Variants in TIPRL observed in about 807,000 individuals in gnomAD.
TIPRL encodes the protein TOR signaling pathway regulator, also known as TIP41-like protein.
TIPRL carries 10 observed loss-of-function variants against 32.3 expected under a neutral mutation model. The observed-to-expected ratio is 0.31, with a 90% CI of 0.19 to 0.52. The LOEUF is 0.52. TIPRL is among the 20% of genes least tolerant of loss of function. The probability of loss-of-function intolerance (pLI) is 0.96; values close to 1 mark genes in which losing one functional copy is unlikely to be tolerated. For synonymous variants in TIPRL, 100 were observed against 114.0 expected, an observed-to-expected ratio of 0.88 and a Z score of 0.78; for missense variants, 250 against 328.1, an observed-to-expected ratio of 0.76 and a Z score of 1.84.
In TIPRL at chr1:168,183,938, A is replaced by G; in HGVS notation, c.141A>G (p.Glu47=). Residue 47 remains glutamate, a synonymous_variant, in exon 2 of 7, where the codon GAA becomes GAG. Coordinates refer to ENST00000367833, the MANE Select transcript of TIPRL (RefSeq NM_152902.5). ...AATTACATATGCCATCTCTCCCTGA[A>G]ATGATGTTTGGAGACAACGTTTTAA... ...ADELHMPSLP[E]MMFGDNVLRI... 1 of 1,614,034 alleles carries G rather than the reference A, an allele frequency of 6.2e-7. No homozygotes were observed. Among genetic ancestry groups the G allele is most frequent in the Non-Finnish European group, 8.5e-7 (1 of 1,179,918 alleles).
intron 4 of TIPRL, 116 bp from the exon 5 acceptor site, chr1:168,196,431 A>G (rs1700153370): frequency 1.7e-6 from 1 of 595,916 alleles, no homozygotes; most frequent in African/African-American, 1.9e-5. Context: ...TAAACTGTGA[A>G]TTCAGCCTTA....
chr1:168,192,120 C>T, intron 4 of TIPRL: 1 of 1,315,660 alleles, frequency 7.6e-7, no homozygotes, highest in Non-Finnish European at 9.8e-7. Context: ...TTGATAGGAT[C>T]TGCAGACGGC....
At chr1:168,199,748 C>T (rs1700190501) in intron 6 of TIPRL, among the ~76,000 whole-genome samples, 155 bp from the exon 7 acceptor site, 1 of 152,006 alleles carries the variant, frequency 6.6e-6, no homozygotes, top group Non-Finnish European at 1.5e-5. Context: ...TGAATGATTC[C>T]GTATCAAGAA....
intron 5 of TIPRL, among the ~76,000 whole-genome samples, chr1:168,197,493 C>T (rs532650763): frequency 1.3e-5 from 2 of 151,908 alleles, no homozygotes; most frequent in South Asian, 4.2e-4. Flanking sequence ...TTTTTGTTCC[C>T]CAGAAAGAGA....
intron 2 of TIPRL, 109 bp downstream of exon 2, chr1:168,184,190 G>T: frequency 9.9e-7 from 1 of 1,006,664 alleles, no homozygotes; most frequent in Non-Finnish European, 1.4e-6. Context: ...TTAGAATGAA[G>T]GGCTGGTATT....
chr1:168,200,152 T>A lies in TIPRL; in HGVS notation c.*106T>A. On this transcript the variant is annotated 3_prime_UTR_variant, in exon 7 of 7. Transcript: ENST00000367833. Reference sequence around the variant, plus strand: ...TTAATTGCCTTGTTTATGTACAGATTTTCTGTAGCCTTAAAGGAAAAAAAA... The same window carrying A: ...TTAATTGCCTTGTTTATGTACAGATATTCTGTAGCCTTAAAGGAAAAAAAA... 2 of 1,263,186 alleles carry A rather than the reference T, an allele frequency of 1.6e-6. No individual in the cohort carries two copies. The highest frequency in any genetic ancestry group is 2.1e-6 in the Non-Finnish European group (2 of 937,662). The allele number at this position is 1,263,186 out of a possible 1,614,324, so 78.2% of individuals were successfully genotyped here. A position where few individuals can be genotyped will look rare whatever the true frequency, so the allele number is the denominator to read the frequency against.
intron 5 of TIPRL, among the ~76,000 whole-genome samples, chr1:168,197,546 G>C (rs1439445865): frequency 1.3e-5 from 2 of 152,126 alleles, no homozygotes; most frequent in Non-Finnish European, 2.9e-5. Flanking sequence ...GATGGATGGA[G>C]TCTTGCTCTG....
In TIPRL at chr1:168,191,374, A is replaced by G. The variant is rs768195408; in HGVS notation, c.390A>G (p.Val130=). ...LLGESLKLKV[V]PTTDHIDTEK... Reference sequence around the variant, plus strand: ...TTTAAAATTTTTTCTTTCAGGTTGTACCTACAACAGATCATATAGATACAG... The same window carrying G: ...TTTAAAATTTTTTCTTTCAGGTTGTGCCTACAACAGATCATATAGATACAG... The change falls in exon 4 of 7, where the codon GTA becomes GTG. Residue 130 remains valine, a synonymous_variant. Coordinates refer to ENST00000367833, the MANE Select transcript of TIPRL (RefSeq NM_152902.5). 1.3e-6 allele frequency: 2 copies of G among 1,530,984 alleles called. No individual in the cohort carries two copies. The highest frequency in any genetic ancestry group is 1.7e-6 in the Non-Finnish European group (2 of 1,152,158). The allele number at this position is 1,530,984 out of a possible 1,614,324, so 94.8% of individuals were successfully genotyped here. A position where few individuals can be genotyped will look rare whatever the true frequency, so the allele number is the denominator to read the frequency against.
In TIPRL at chr1:168,200,078, C is replaced by G; in HGVS notation, c.*32C>G. On this transcript the variant is annotated 3_prime_UTR_variant, in exon 7 of 7. Coordinates refer to ENST00000367833, the MANE Select transcript of TIPRL (RefSeq NM_152902.5). ...ATACAACATATACTCACTATGGAAT[C>G]TGACTGGACACCTTGGCTATTTGTA... is the stretch of plus-strand genomic sequence containing the variant. The G allele has an allele frequency of 1.9e-6, 3 of 1,602,600 alleles. No individual in the cohort carries two copies. Among genetic ancestry groups the G allele is most frequent in the Non-Finnish European group, 2.6e-6 (3 of 1,174,890 alleles).
intron 3 of TIPRL, among the ~76,000 whole-genome samples, chr1:168,186,432 G>T (rs1301428239): frequency 6.6e-6 from 1 of 151,898 alleles, no homozygotes; most frequent in Non-Finnish European, 1.5e-5. Context: ...GGAGGTAGAG[G>T]TTGCAGTGAT....
chr1:168,184,147 G>GA, intron 2 of TIPRL, 66 bp downstream of exon 2: 1 of 1,427,586 alleles, frequency 7.0e-7, no homozygotes, highest in Non-Finnish European at 9.6e-7. Flanking sequence ...GAAAAGACTT[G>GA]AAAAAATATT....
At chr1:168,187,238 G>A (rs1352508011) in intron 3 of TIPRL, among the ~76,000 whole-genome samples, 1 of 152,160 alleles carries the variant, frequency 6.6e-6, no homozygotes, top group African/African-American at 2.4e-5. Context: ...AAACTTTGTA[G>A]AGACCATTTA....
At chr1:168,199,326 T>A (rs989837179) in intron 6 of TIPRL, among the ~76,000 whole-genome samples, 1 of 152,152 alleles carries the variant, frequency 6.6e-6, no homozygotes, top group African/African-American at 2.4e-5. Context: ...TCTTTCTACA[T>A]AGTCTCCTTT....
At position 168,192,713 on chromosome 1, in the gene TIPRL, C is replaced by T. The variant is rs1454251016; in HGVS notation, c.516+1213C>T. On this transcript the variant is annotated intron_variant, in intron 4 of 6. Coordinates refer to ENST00000367833, the MANE Select transcript of TIPRL (RefSeq NM_152902.5). ...GGAGATCGAGACCATGGTGAAACCC[C>T]GTCTCTACTAAAAATACAAAAAATT... 3.3e-5 allele frequency among the ~76,000 whole-genome samples: 5 copies of T among 152,056 alleles called. No homozygotes were observed. In the East Asian group the frequency reaches 5.8e-4, roughly 18 times the overall value.
rs1700106270 is a variant in TIPRL at position 168,192,108 on chromosome 1, T to A, written c.516+608T>A. On this transcript the variant is annotated intron_variant, in intron 4 of 6. Transcript: ENST00000367833. The stretch of plus-strand genomic sequence containing the variant: ...TTTTCACATTTTGGATTAAAAATGA[T>A]GTTGATAGGATCTGCAGACGGCAAG... 2.4e-6 allele frequency: 3 copies of A among 1,249,790 alleles called. No homozygotes were observed. The South Asian group carries it at 7.1e-5, about 30-fold the overall frequency. 77.4% of individuals were successfully genotyped at this position (1,249,790 alleles called of 1,614,324 possible).
At chr1:168,195,566 A>T (rs1392474305) in intron 4 of TIPRL, among the ~76,000 whole-genome samples, 1 of 152,220 alleles carries the variant, frequency 6.6e-6, no homozygotes, top group Admixed American at 6.5e-5. Context: ...GGCCAAGCAT[A>T]TTCATTTTAA....
intron 3 of TIPRL, among the ~76,000 whole-genome samples, chr1:168,188,245 A>C (rs1418946853): frequency 2.0e-5 from 3 of 151,998 alleles, no homozygotes; most frequent in Non-Finnish European, 4.4e-5. Flanking sequence ...TTTTCATTTC[A>C]GTTCTAGGAT....
At chr1:168,185,893 G>A (rs1700021427) in intron 3 of TIPRL, among the ~76,000 whole-genome samples, 2 of 150,498 alleles carry the variant, frequency 1.3e-5, no homozygotes, top group African/African-American at 2.4e-5. Context: ...TGGTCAACAT[G>A]GTGAAACCCC....
At chr1:168,195,663 C>G (rs1401100961) in intron 4 of TIPRL, among the ~76,000 whole-genome samples, 1 of 152,172 alleles carries the variant, frequency 6.6e-6, no homozygotes, top group African/African-American at 2.4e-5. Flanking sequence ...CAGCCTATCT[C>G]CCAGGCCCAA....
Sources: gnomAD v4.1 joint callset for allele counts (sites outside exome capture counted in the v4.1 genomes callset) on GRCh38, gnomAD v4.1.1 for gene constraint, MANE v1.5 for transcripts, NCBI Gene and HGNC (gene_info 2026-07-23, HGNC 2026-07-21) for gene names.